TACR1: variants seen among roughly 807,000 people sequenced by gnomAD.
TACR1 encodes substance-P receptor.
A neutral mutation model predicts 35.8 loss-of-function variants in TACR1; 25 were observed. The ratio of observed to expected loss-of-function variants is 0.70; its 90% CI spans 0.51 to 0.98. The LOEUF (loss-of-function observed/expected upper bound fraction) is 0.98. Among genes scored for constraint, TACR1 ranks in the 50% least tolerant of loss-of-function variants. TACR1 has a pLI of 0.00. For missense variants in TACR1, 478 were observed against 522.9 expected (o/e 0.91, Z 0.84); for synonymous variants, 195 against 206.7 (o/e 0.94, Z 0.48).
intron 1 of TACR1, among the ~76,000 whole-genome samples, chr2:75,148,982 C>G (rs1220279187): frequency 6.6e-6 from 1 of 152,258 alleles, no homozygotes; most frequent in African/African-American, 2.4e-5. Flanking sequence ...ATAGGGAATC[C>G]TTTCTCCATT....
intron 1 of TACR1, among the ~76,000 whole-genome samples, chr2:75,145,824 T>C (rs912183157): frequency 1.3e-5 from 2 of 152,340 alleles, no homozygotes; most frequent in Admixed American, 6.5e-5. Context: ...TTGAGGTTCT[T>C]ATTGCAGATC....
chr2:75,160,599 T>C (rs1447670517), intron 1 of TACR1, among the ~76,000 whole-genome samples: 1 of 151,362 alleles, frequency 6.6e-6, no homozygotes, highest in Non-Finnish European at 1.5e-5. Context: ...AAAATCGGAT[T>C]CAGCATCAGA....
intron 1 of TACR1, among the ~76,000 whole-genome samples, chr2:75,177,555 A>G (rs1351995611): frequency 1.3e-5 from 2 of 152,204 alleles, no homozygotes; most frequent in Non-Finnish European, 2.9e-5. Context: ...TTGAAGTCCA[A>G]CAATTCTTAA....
At chr2:75,167,401 C>G (rs188042896) in intron 1 of TACR1, among the ~76,000 whole-genome samples, 1 of 152,174 alleles carries the variant, frequency 6.6e-6, no homozygotes, top group African/African-American at 2.4e-5. Context: ...TGTCAGATAT[C>G]AGAATAAAGT....
intron 2 of TACR1, among the ~76,000 whole-genome samples, chr2:75,108,944 C>CG (rs1165407710): frequency 6.6e-6 from 1 of 152,098 alleles, no homozygotes; most frequent in Non-Finnish European, 1.5e-5. Flanking sequence ...TGTAAAAATT[C>CG]GTCTCAGCTC....
At position 75,085,699 on chromosome 2, in the gene TACR1, A is replaced by G. The variant is rs150400985; in HGVS notation, c.585-31944T>C. On this transcript the variant is annotated intron_variant, in intron 2 of 4. Transcript: ENST00000305249. ...ATGTCTGGGAGATAATGAGGGTAAT[A>G]ACGGTGACCTGGCTGGAGTCAGTCA... Among the ~76,000 whole-genome samples the G allele has an allele frequency of 2.9e-3, 437 of 152,250 alleles. 3 individuals are homozygous for G. The highest frequency in any genetic ancestry group is 0.01 in the African/African-American group (417 of 41,540).
intron 1 of TACR1, among the ~76,000 whole-genome samples, chr2:75,183,607 C>T (rs982524469): frequency 6.6e-6 from 1 of 152,120 alleles, no homozygotes; most frequent in African/African-American, 2.4e-5. Context: ...GATGGAGTAC[C>T]GAAGTTCTGC....
intron 1 of TACR1, among the ~76,000 whole-genome samples, chr2:75,132,217 G>T (rs1674190959): frequency 6.6e-6 from 1 of 152,106 alleles, no homozygotes; most frequent in Non-Finnish European, 1.5e-5. Context: ...CAATTATAGT[G>T]ATTAAATTTG....
intron 2 of TACR1, among the ~76,000 whole-genome samples, chr2:75,094,804 T>C (rs941321165): frequency 1.4e-5 from 2 of 146,908 alleles, no homozygotes; most frequent in African/African-American, 5.3e-5. Context: ...GCAGAGTTTG[T>C]GGGAATGGAA....
chr2:75,144,914 G>T (rs1217545939), intron 1 of TACR1, among the ~76,000 whole-genome samples: 2 of 152,216 alleles, frequency 1.3e-5, no homozygotes, highest in Admixed American at 1.3e-4. Context: ...AAAAGATAGA[G>T]ATGAATATAA....
intron 2 of TACR1, among the ~76,000 whole-genome samples, chr2:75,095,745 C>T (rs1480931710): frequency 6.6e-6 from 1 of 152,088 alleles, no homozygotes; most frequent in African/African-American, 2.4e-5. Context: ...CTGACTCTGG[C>T]AAGTGGGTAT....
chr2:75,187,236 A>G (rs1413177556), intron 1 of TACR1: 2 of 152,252 alleles, frequency 1.3e-5, no homozygotes, highest in Non-Finnish European at 2.9e-5. Flanking sequence ...TTAGTGACTT[A>G]TAAGAAGTCT....
intron 1 of TACR1, among the ~76,000 whole-genome samples, chr2:75,140,260 A>G (rs1328406107): frequency 1.3e-5 from 2 of 152,132 alleles, no homozygotes; most frequent in African/African-American, 4.8e-5. Flanking sequence ...TTCCCACTCA[A>G]GTTAATTCAG....
intron 2 of TACR1, among the ~76,000 whole-genome samples, chr2:75,065,270 A>G (rs1558540747): frequency 6.6e-6 from 1 of 152,134 alleles, no homozygotes; most frequent in Non-Finnish European, 1.5e-5. Flanking sequence ...TACATTCCTT[A>G]CCATGTCATG....
intron 1 of TACR1, among the ~76,000 whole-genome samples, chr2:75,136,276 G>T (rs1674288074): frequency 6.6e-6 from 1 of 152,140 alleles, no homozygotes; most frequent in Admixed American, 6.5e-5. Flanking sequence ...GAAGTCCAAG[G>T]GGCTTGACCC....
At chr2:75,060,537 A>G (rs1456823875) in intron 2 of TACR1, among the ~76,000 whole-genome samples, 1 of 152,170 alleles carries the variant, frequency 6.6e-6, no homozygotes, top group Non-Finnish European at 1.5e-5. Context: ...ATTAGAACTG[A>G]AAAGGACATG....
chr2:75,122,816 A>C (rs1673995897), intron 1 of TACR1, among the ~76,000 whole-genome samples: 1 of 152,198 alleles, frequency 6.6e-6, no homozygotes, highest in Non-Finnish European at 1.5e-5. Flanking sequence ...GGTTACCCCA[A>C]AATGGCCACG....
At chr2:75,196,373 A>G (rs1192686464) in intron 1 of TACR1, among the ~76,000 whole-genome samples, 2 of 152,204 alleles carry the variant, frequency 1.3e-5, no homozygotes, top group African/African-American at 2.4e-5. Flanking sequence ...AGCACTTGGC[A>G]GACATGGAGA....
At chr2:75,067,984 C>T (rs1171082976) in intron 2 of TACR1, among the ~76,000 whole-genome samples, 5 of 152,062 alleles carry the variant, frequency 3.3e-5, no homozygotes, top group Non-Finnish European at 2.9e-5. Context: ...GCCTGGGCCC[C>T]GGTAAGAGGC....
Sources: allele counts gnomAD v4.1 joint callset (sites outside exome capture counted in the v4.1 genomes callset), GRCh38; gene constraint gnomAD v4.1.1; transcripts MANE v1.5; gene names NCBI Gene and HGNC (gene_info 2026-07-23, HGNC 2026-07-21).